Variants in WDR41 observed in about 807,000 individuals in gnomAD.
The protein encoded by WDR41 is WD repeat-containing protein 41.
A neutral mutation model predicts 69.3 loss-of-function variants in WDR41; 63 were observed. The ratio of observed to expected loss-of-function variants is 0.91; its 90% CI spans 0.74 to 1.12. The LOEUF (loss-of-function observed/expected upper bound fraction) is 1.12, where lower values mean the gene tolerates loss of function less well. WDR41 is among the 50% of genes most tolerant of loss of function. The pLI, the probability that WDR41 is intolerant of heterozygous loss-of-function variation, is 0.00. For synonymous variants in WDR41, 185 were observed against 192.1 expected, an observed-to-expected ratio of 0.96 and a Z score of 0.31; for missense variants, 543 against 534.5, an observed-to-expected ratio of 1.02 and a Z score of -0.16.
intron 2 of WDR41, among the ~76,000 whole-genome samples, chr5:77,488,551 G>GAA (rs34810383): frequency 2.0e-5 from 3 of 151,110 alleles, no homozygotes; most frequent in African/African-American, 4.9e-5. Flanking sequence ...TCCATGGAGT[G>GAA]AAAAAAAACA....
rs187408259 is a variant in WDR41, at chr5:77,471,361, A to C, written c.168-6552T>G. On this transcript the variant is annotated intron_variant, in intron 2 of 12. Transcript: ENST00000296679. Reference sequence around the variant, plus strand: ...AATTGACACCCTAACATCACAATTAAAAGAACTAGAAAAGCAAGAGCAAAC... The same window carrying C: ...AATTGACACCCTAACATCACAATTACAAGAACTAGAAAAGCAAGAGCAAAC... 1.3e-5 allele frequency among the ~76,000 whole-genome samples: 2 copies of C among 152,342 alleles called. 1 individual carries two copies. Among genetic ancestry groups the C allele is most frequent in the Non-Finnish European group, 2.9e-5 (2 of 68,034 alleles).
chr5:77,439,494 G>A (rs574626121), intron 9 of WDR41, among the ~76,000 whole-genome samples: 1 of 152,328 alleles, frequency 6.6e-6, no homozygotes, highest in African/African-American at 2.4e-5. Context: ...CCTGTGGATT[G>A]TATTCAATGC....
chr5:77,486,399 T>C (rs1801523746), intron 2 of WDR41, among the ~76,000 whole-genome samples: 1 of 152,156 alleles, frequency 6.6e-6, no homozygotes, highest in African/African-American at 2.4e-5. Flanking sequence ...CTGTGGTAGA[T>C]CACAAACTGG....
chr5:77,613,366 G>A (rs1232075921), intron 1 of WDR41, among the ~76,000 whole-genome samples: 4 of 152,128 alleles, frequency 2.6e-5, no homozygotes, highest in African/African-American at 9.7e-5. Flanking sequence ...AACAAAGCTG[G>A]AGGCATCATG....
chr5:77,486,807 T>G (rs959650923), intron 2 of WDR41, among the ~76,000 whole-genome samples: 12 of 152,188 alleles, frequency 7.9e-5, no homozygotes, highest in Non-Finnish European at 1.3e-4. Context: ...CAGCTGAGCC[T>G]AGCCCGAATT....
At chr5:77,436,722 CAACA>C (rs1798949077) in intron 11 of WDR41, among the ~76,000 whole-genome samples, 1 of 152,074 alleles carries the variant, frequency 6.6e-6, no homozygotes, top group Non-Finnish European at 1.5e-5. Context: ...AAACTCAGAT[CAACA>C]AACAAGGCAT....
chr5:77,472,000 T>A (rs936509885), intron 2 of WDR41, among the ~76,000 whole-genome samples: 2 of 152,174 alleles, frequency 1.3e-5, no homozygotes, highest in African/African-American at 4.8e-5. Flanking sequence ...ATAACCCTGA[T>A]GAACATTGAT....
chr5:77,599,197 CTTTTTTTTTTTT>C (rs34759217), intron 1 of WDR41, among the ~76,000 whole-genome samples: 1 of 76,186 alleles, frequency 1.3e-5, no homozygotes, highest in Non-Finnish European at 2.4e-5. Context: ...ATCGGAAGCT[CTTTTTTTTTTTT>C]TTTTTTTTTT....
intron 1 of WDR41, among the ~76,000 whole-genome samples, chr5:77,536,658 T>G (rs80005160): frequency 0.023 from 3,524 of 152,272 alleles, 111 homozygotes; most frequent in African/African-American, 0.077. Context: ...TTTCTATGTT[T>G]AGGTCCACAA....
intron 1 of WDR41, among the ~76,000 whole-genome samples, chr5:77,610,433 C>T (rs1316963485): frequency 6.6e-5 from 10 of 152,192 alleles, no homozygotes; most frequent in Admixed American, 4.6e-4. Flanking sequence ...CAAAGGGAAG[C>T]CCGTCAGACT....
chr5:77,510,350 C>G (rs1479140943), intron 1 of WDR41, among the ~76,000 whole-genome samples: 1 of 152,182 alleles, frequency 6.6e-6, no homozygotes, highest in Non-Finnish European at 1.5e-5. Context: ...CCCACCAGGT[C>G]CCTCCCACAA....
Position 77,525,980 on chromosome 5 carries a change from G to A in WDR41, c.43-36408C>T, listed in dbSNP as rs1802440470. The stretch of plus-strand genomic sequence containing the variant: ...TTCATTTTCTAGCCTTTAGTCAGTT[G>A]AAAAATATACATAAAATTTTATCCA... On this transcript the variant is annotated intron_variant, in intron 1 of 5. Transcript: ENST00000509971. 2.6e-5 allele frequency among the ~76,000 whole-genome samples: 4 copies of A among 152,044 alleles called. No homozygotes were observed. The South Asian group carries it at 8.3e-4, about 32-fold the overall frequency.
At chr5:77,518,186 T>G (rs915483466) in intron 1 of WDR41, among the ~76,000 whole-genome samples, 8 of 152,146 alleles carry the variant, frequency 5.3e-5, no homozygotes, top group South Asian at 2.1e-4. Flanking sequence ...TGGGATTTTT[T>G]TTGTTGTTGT....
chr5:77,487,502 A>C (rs576660324), intron 2 of WDR41, among the ~76,000 whole-genome samples: 1 of 152,356 alleles, frequency 6.6e-6, no homozygotes, highest in East Asian at 1.9e-4. Context: ...AACAGTGATG[A>C]CAGGCCAGTA....
At chr5:77,555,649 C>T (rs1016355963) in intron 1 of WDR41, among the ~76,000 whole-genome samples, 4 of 152,004 alleles carry the variant, frequency 2.6e-5, no homozygotes, top group Non-Finnish European at 5.9e-5. Flanking sequence ...ACAACAGCAT[C>T]CGAAAATATA....
At chr5:77,441,743 C>G (rs1021592491) in intron 8 of WDR41, among the ~76,000 whole-genome samples, 2 of 151,656 alleles carry the variant, frequency 1.3e-5, no homozygotes, top group East Asian at 3.9e-4. Context: ...GTCTAAAACA[C>G]ACACACACAC....
intron 1 of WDR41, among the ~76,000 whole-genome samples, chr5:77,590,658 G>C (rs887782037): frequency 2.6e-5 from 4 of 152,204 alleles, no homozygotes; most frequent in Non-Finnish European, 4.4e-5. Flanking sequence ...GACAGCAAGG[G>C]GAAGAGCAGC....
intron 1 of WDR41, among the ~76,000 whole-genome samples, chr5:77,609,805 G>T (rs1438634186): frequency 6.6e-6 from 1 of 152,234 alleles, no homozygotes; most frequent in Non-Finnish European, 1.5e-5. Flanking sequence ...AAGCTGGACG[G>T]AGAATGACTT....
chr5:77,440,113 C>T (rs934827856), intron 9 of WDR41, among the ~76,000 whole-genome samples: 2 of 151,912 alleles, frequency 1.3e-5, no homozygotes, highest in African/African-American at 2.4e-5. Context: ...ACGTGCATGC[C>T]GTTAGAAAAA....
Sources: allele counts gnomAD v4.1 joint callset (sites outside exome capture counted in the v4.1 genomes callset), GRCh38; gene constraint gnomAD v4.1.1; transcripts MANE v1.5; gene names NCBI Gene and HGNC (gene_info 2026-07-23, HGNC 2026-07-21).